COL12A1: variants seen among roughly 807,000 people sequenced by gnomAD.
The protein encoded by COL12A1 is collagen alpha-1(XII) chain.
A neutral mutation model predicts 349.7 loss-of-function variants in COL12A1; 114 were observed. The ratio of observed to expected loss-of-function variants is 0.33; its 90% CI spans 0.28 to 0.38. The LOEUF (loss-of-function observed/expected upper bound fraction) is 0.38, where lower values mean the gene tolerates loss of function less well. Among genes scored for constraint, COL12A1 ranks in the 10% least tolerant of loss-of-function variants. COL12A1 has a pLI of 1.00. For synonymous variants in COL12A1, 1,369 were observed against 1,329.0 expected (o/e 1.03, Z -0.66); for missense variants, 3,284 against 3,756.9 (o/e 0.87, Z 3.29).
chr6:75,192,384 T>C (rs1198651494), intron 3 of COL12A1, 29 bp from the exon 4 acceptor site: 2 of 1,596,108 alleles, frequency 1.3e-6, no homozygotes, highest in Non-Finnish European at 1.7e-6. Context: ...AAAATATGAA[T>C]GCAACAAAAC....
rs200443479 is a variant in COL12A1, at chr6:75,189,345, G to A, written c.695C>T (p.Thr232Met). 383 of 1,612,842 alleles carry A rather than the reference G, an allele frequency of 2.4e-4. 6 individuals are homozygous for A. In the South Asian group the frequency reaches 2.6e-3, roughly 11 times the overall value. ...GCCAACTCTTGCCCCAGCAGATTCC[G>A]TGAAAGTATTTTTAACTAAATAATC... ...AIDYLVKNTFTESAGARVGFP... is the reference protein window; with the variant it reads ...AIDYLVKNTFMESAGARVGFP... Residue 232 changes from threonine (T) to methionine (M), a missense_variant, in exon 7 of 66, where the codon ACG becomes ATG. By Grantham distance (81) the Thr-to-Met change is moderately conservative. Around this residue, in one of 2 missense-constraint regions of COL12A1, gnomAD observed 2,601 missense variants for 2,824.8 expected, o/e 0.92. Coordinates refer to ENST00000322507, the MANE Select transcript of COL12A1 (RefSeq NM_004370.6).
rs1766821836 is a variant in COL12A1, at chr6:75,140,155, T to TG, written c.4958-1195dup. Among the ~76,000 whole-genome samples the TG allele has an allele frequency of 4.6e-5, 7 of 152,222 alleles. No homozygotes were observed. In the South Asian group the frequency reaches 1.4e-3, roughly 31 times the overall value. ...TACCTGTCTCACTAGCCTTTCTTCC[T>TG]GACTTCCTTTTCTGTTCACTACACC... On this transcript the variant is annotated intron_variant, in intron 27 of 65. Transcript: ENST00000322507.
intron 56 of COL12A1, 70 bp from the exon 57 acceptor site, chr6:75,102,122 T>A: frequency 2.1e-6 from 3 of 1,440,250 alleles, no homozygotes; most frequent in Non-Finnish European, 2.9e-6. Context: ...AAGACATGAG[T>A]CACTTATGAA....
chr6:75,168,610 T>G (rs894672387), intron 13 of COL12A1, among the ~76,000 whole-genome samples: 3 of 152,192 alleles, frequency 2.0e-5, no homozygotes, highest in African/African-American at 7.2e-5. Context: ...ATCAATTAAA[T>G]TGGAATATTT....
intron 1 of COL12A1, among the ~76,000 whole-genome samples, chr6:75,204,474 G>T (rs1770675571): frequency 6.6e-6 from 1 of 152,120 alleles, no homozygotes; most frequent in African/African-American, 2.4e-5. Flanking sequence ...ATATCGGAAC[G>T]CCAGCCAGCC....
chr6:75,114,707 T>C (rs79197344), intron 49 of COL12A1, among the ~76,000 whole-genome samples: 6 of 152,212 alleles, frequency 3.9e-5, no homozygotes, highest in African/African-American at 1.4e-4. Flanking sequence ...TGACATGATG[T>C]CTTTTATACG....
chr6:75,185,629 A>T (rs1185032038), intron 8 of COL12A1, among the ~76,000 whole-genome samples: 1 of 152,216 alleles, frequency 6.6e-6, no homozygotes, highest in Non-Finnish European at 1.5e-5. Flanking sequence ...TTTAAATTTC[A>T]TATGGAACAA....
chr6:75,111,799 T>C (rs1189962646), intron 51 of COL12A1, among the ~76,000 whole-genome samples: 1 of 151,642 alleles, frequency 6.6e-6, no homozygotes, highest in African/African-American at 2.4e-5. Context: ...ACGATTGTAC[T>C]CAGGGATTTT....
chr6:75,126,980 C>G (rs1168911369), intron 38 of COL12A1, among the ~76,000 whole-genome samples: 1 of 152,078 alleles, frequency 6.6e-6, no homozygotes. Flanking sequence ...GAGATACTGC[C>G]CCCAAGCCCA....
intron 11 of COL12A1, 147 bp from the exon 12 acceptor site, chr6:75,178,082 T>C (rs935964630): frequency 1.2e-5 from 9 of 733,138 alleles, no homozygotes; most frequent in Admixed American, 9.6e-5. Flanking sequence ...CTGGTTTCTG[T>C]ACTCATTTAG....
chr6:75,086,468 A>G lies in COL12A1; in HGVS notation c.*79T>C. 2 of 1,313,486 alleles carry G rather than the reference A, an allele frequency of 1.5e-6. No homozygotes were observed. Among genetic ancestry groups the G allele is most frequent in the Non-Finnish European group, 2.1e-6 (2 of 938,516 alleles). The allele number at this position is 1,313,486 out of a possible 1,614,324, so 81.4% of individuals were successfully genotyped here. On this transcript the variant is annotated 3_prime_UTR_variant, in exon 66 of 66. Coordinates refer to ENST00000322507, the MANE Select transcript of COL12A1 (RefSeq NM_004370.6). ...TTTCCATACAGACTCATTTCCTAAT[A>G]AGCACGTGCGCAAACATCTCAGAAA...
At chr6:75,109,786 C>T (rs981844120) in intron 51 of COL12A1, among the ~76,000 whole-genome samples, 4 of 152,046 alleles carry the variant, frequency 2.6e-5, no homozygotes, top group Non-Finnish European at 5.9e-5. Context: ...AGAATGTTAA[C>T]AACTCTATTA....
At chr6:75,097,068 A>AAGAT (rs1210835751) in intron 59 of COL12A1, among the ~76,000 whole-genome samples, 185 bp downstream of exon 59, 1 of 152,150 alleles carries the variant, frequency 6.6e-6, no homozygotes, top group African/African-American at 2.4e-5. Context: ...ATTAAACTGA[A>AAGAT]AGATTCTGTA....
intron 2 of COL12A1, among the ~76,000 whole-genome samples, chr6:75,199,826 C>T (rs1770432910): frequency 6.6e-6 from 1 of 151,874 alleles, no homozygotes; most frequent in African/African-American, 2.4e-5. Context: ...AAATATAGCT[C>T]CTAATACAAA....
intron 14 of COL12A1, among the ~76,000 whole-genome samples, chr6:75,159,741 T>C (rs1767939561): frequency 6.6e-6 from 1 of 151,584 alleles, no homozygotes; most frequent in African/African-American, 2.4e-5. Flanking sequence ...CAACTCAGAA[T>C]TTAGAAAAAT....
chr6:75,205,330 C>A (rs1244076212), intron 1 of COL12A1, among the ~76,000 whole-genome samples: 6 of 151,350 alleles, frequency 4.0e-5, no homozygotes, highest in African/African-American at 9.7e-5. Context: ...GAGCACTCAG[C>A]GGGCCCTCCA....
At chr6:75,192,541 T>G (rs1413970095) in intron 3 of COL12A1, among the ~76,000 whole-genome samples, 186 bp from the exon 4 acceptor site, 1 of 152,126 alleles carries the variant, frequency 6.6e-6, no homozygotes, top group African/African-American at 2.4e-5. Context: ...ATTTAATAAA[T>G]GGACTGGTAT....
intron 51 of COL12A1, among the ~76,000 whole-genome samples, chr6:75,109,666 T>C (rs997081176): frequency 2.6e-5 from 4 of 152,148 alleles, no homozygotes; most frequent in African/African-American, 9.6e-5. Context: ...AACTAGCACA[T>C]GTCTTCTATA....
chr6:75,196,890 C>CAA (rs1386895130), intron 2 of COL12A1, among the ~76,000 whole-genome samples: 1 of 152,156 alleles, frequency 6.6e-6, no homozygotes, highest in African/African-American at 2.4e-5. Context: ...TGTTGATATC[C>CAA]AAATGACCAG....
Sources: allele counts gnomAD v4.1 joint callset (sites outside exome capture counted in the v4.1 genomes callset), GRCh38; gene constraint gnomAD v4.1.1; regional missense constraint gnomAD v4.1.1; transcripts MANE v1.5; gene names NCBI Gene and HGNC (gene_info 2026-07-23, HGNC 2026-07-21).